NELL1: variants seen among roughly 807,000 people sequenced by gnomAD.
The protein encoded by NELL1 is neural EGFL like 1, also known as protein kinase C-binding protein NELL1.
In NELL1, 76 loss-of-function variants were observed where a neutral mutation model predicts 107.4. The ratio of observed to expected loss-of-function variants is 0.71; its 90% CI spans 0.59 to 0.86. NELL1 has a LOEUF of 0.86. Among genes scored for constraint, NELL1 ranks in the 40% least tolerant of loss-of-function variants. The pLI, the probability that NELL1 is intolerant of heterozygous loss-of-function variation, is 0.00. For synonymous variants in NELL1, 353 were observed against 341.2 expected, an observed-to-expected ratio of 1.03 and a Z score of -0.38; for missense variants, 1,024 against 1,005.5, an observed-to-expected ratio of 1.02 and a Z score of -0.25.
chr11:21,526,389 C>T (rs183583568), intron 15 of NELL1, among the ~76,000 whole-genome samples: 86 of 152,316 alleles, frequency 5.6e-4, no homozygotes, highest in Non-Finnish European at 1.1e-3. Context: ...TGAGTGTCTG[C>T]AACTTTTGCA....
intron 7 of NELL1, among the ~76,000 whole-genome samples, chr11:20,923,368 G>A (rs1317263917): frequency 6.6e-6 from 1 of 152,180 alleles, no homozygotes; most frequent in African/African-American, 2.4e-5. Context: ...AGAGGTCAGG[G>A]TAGATAAGAG....
intron 14 of NELL1, among the ~76,000 whole-genome samples, chr11:21,368,410 A>G (rs1851281629): frequency 6.9e-6 from 1 of 145,638 alleles, no homozygotes; most frequent in Admixed American, 6.9e-5. Flanking sequence ...TTATGGAACT[A>G]TTTTAAAAAT....
intron 12 of NELL1, among the ~76,000 whole-genome samples, chr11:21,102,829 T>C (rs1854854638): frequency 4.6e-5 from 7 of 152,198 alleles, no homozygotes; most frequent in Admixed American, 4.6e-4. Context: ...TCCCCATCCA[T>C]TCATTTTTGT....
chr11:21,411,098 T>G (rs975449127), intron 15 of NELL1, among the ~76,000 whole-genome samples: 1 of 152,036 alleles, frequency 6.6e-6, no homozygotes, highest in Non-Finnish European at 1.5e-5. Flanking sequence ...AAGGGAGATA[T>G]AGCACTTTTG....
chr11:20,983,305 C>A (rs543113716), intron 12 of NELL1, among the ~76,000 whole-genome samples: 1 of 152,254 alleles, frequency 6.6e-6, no homozygotes, highest in East Asian at 1.9e-4. Flanking sequence ...TGCCTTAAGG[C>A]TTGATCCCAG....
chr11:21,208,039 G>A (rs1259103214), intron 13 of NELL1, among the ~76,000 whole-genome samples: 1 of 151,568 alleles, frequency 6.6e-6, no homozygotes, highest in Non-Finnish European at 1.5e-5. Flanking sequence ...TTTTGTTTTT[G>A]TGGCAAGAAG....
chr11:21,572,750 TAA>T (rs1257258899), intron 18 of NELL1, among the ~76,000 whole-genome samples: 2 of 152,022 alleles, frequency 1.3e-5, no homozygotes, highest in Middle Eastern at 3.4e-3. Flanking sequence ...CTTTTGAACT[TAA>T]GAGAAATTAA....
At chr11:20,721,250 T>TATA (rs1564879339) in intron 2 of NELL1, among the ~76,000 whole-genome samples, 4 of 76,838 alleles carry the variant, frequency 5.2e-5, no homozygotes, top group African/African-American at 7.4e-5. Flanking sequence ...ATATATATAT[T>TATA]TATTTGTTTG....
intron 3 of NELL1, among the ~76,000 whole-genome samples, chr11:20,825,564 T>C (rs1264193745): frequency 6.6e-6 from 1 of 151,324 alleles, no homozygotes; most frequent in African/African-American, 2.4e-5. Context: ...CCTCATTGGA[T>C]TTCGAACTTG....
intron 3 of NELL1, among the ~76,000 whole-genome samples, chr11:20,788,312 C>T (rs187083179): frequency 2.6e-5 from 4 of 152,278 alleles, no homozygotes; most frequent in African/African-American, 7.2e-5. Context: ...GTTTTACATT[C>T]CCCGAAGCAG....
chr11:20,859,902 G>A (rs1848949107), intron 4 of NELL1, among the ~76,000 whole-genome samples: 1 of 152,068 alleles, frequency 6.6e-6, no homozygotes, highest in Non-Finnish European at 1.5e-5. Context: ...CTGCAAACCT[G>A]GTCATCCTAT....
chr11:20,755,550 G>GTTTTTTT lies in NELL1; in HGVS notation c.185-28125_185-28124insTTTTTTT, dbSNP rs1226891368. 1.1e-3 allele frequency among the ~76,000 whole-genome samples: 129 copies of GTTTTTTT among 114,518 alleles called. 3 individuals are homozygous for GTTTTTTT. The highest frequency in any genetic ancestry group is 5.4e-3 in the African/African-American group (122 of 22,410). 75.1% of individuals were successfully genotyped at this position (114,518 alleles called of 152,430 possible). ...CCTGTGTGGGTTTTTGTTTTTTTTTGTTTTTGTTTTTGTTTTTTTTTTTTT... is the reference window on the plus strand; with the variant it reads ...CCTGTGTGGGTTTTTGTTTTTTTTTGTTTTTTTTTTTTGTTTTTGTTTTTTTTTTTTT... On this transcript the variant is annotated intron_variant, in intron 2 of 19. Coordinates refer to ENST00000357134, the MANE Select transcript of NELL1 (RefSeq NM_006157.5).
chr11:21,306,632 G>T (rs1442577442), intron 14 of NELL1, among the ~76,000 whole-genome samples: 4 of 152,124 alleles, frequency 2.6e-5, no homozygotes, highest in Non-Finnish European at 4.4e-5. Context: ...CCTTTACTCA[G>T]ATGAAACTCT....
chr11:21,052,422 G>A (rs1853515268), intron 12 of NELL1, among the ~76,000 whole-genome samples: 1 of 152,104 alleles, frequency 6.6e-6, no homozygotes, highest in Non-Finnish European at 1.5e-5. Context: ...AAGAAGAGAT[G>A]ATGGTATCTT....
At position 20,836,956 on chromosome 11, in the gene NELL1, A is replaced by T. The variant is rs183678522; in HGVS notation, c.336-10627A>T. On this transcript the variant is annotated intron_variant, in intron 3 of 19. Transcript: ENST00000357134. ...AGTAAACCTCAATGTGTACATATTTAAAAAAATCATTTAGGAAGTTAAGAG... is the reference window on the plus strand; with the variant it reads ...AGTAAACCTCAATGTGTACATATTTTAAAAAATCATTTAGGAAGTTAAGAG... Among the ~76,000 whole-genome samples, 677 of 152,224 alleles carry T rather than the reference A, an allele frequency of 4.4e-3. 2 individuals carry two copies. Among genetic ancestry groups the T allele is most frequent in the African/African-American group, 9.9e-3 (410 of 41,542 alleles).
chr11:21,041,768 T>C (rs1277399367), intron 12 of NELL1, among the ~76,000 whole-genome samples: 1 of 152,240 alleles, frequency 6.6e-6, no homozygotes, highest in Non-Finnish European at 1.5e-5. Flanking sequence ...ATAGTGCTAA[T>C]AATTATGGGT....
chr11:21,163,232 C>G (rs1288807416), intron 13 of NELL1, among the ~76,000 whole-genome samples: 1 of 152,172 alleles, frequency 6.6e-6, no homozygotes, highest in African/African-American at 2.4e-5. Flanking sequence ...GGAAGACAGG[C>G]AGACTCAGGT....
At chr11:21,269,534 A>G (rs982176091) in intron 14 of NELL1, among the ~76,000 whole-genome samples, 2 of 152,166 alleles carry the variant, frequency 1.3e-5, no homozygotes, top group African/African-American at 4.8e-5. Flanking sequence ...AGAGAAAGGT[A>G]TGAAATATGT....
chr11:21,112,301 A>G (rs1306963275), intron 12 of NELL1, among the ~76,000 whole-genome samples: 1 of 152,082 alleles, frequency 6.6e-6, no homozygotes, highest in South Asian at 2.1e-4. Context: ...AATATATTTT[A>G]TTAGGAAATA....
Sources: allele counts gnomAD v4.1 joint callset (sites outside exome capture counted in the v4.1 genomes callset), GRCh38; gene constraint gnomAD v4.1.1; transcripts MANE v1.5; gene names NCBI Gene and HGNC (gene_info 2026-07-23, HGNC 2026-07-21).